The following BCAS3 variants were observed in gnomAD, a reference collection of about 807,000 sequenced individuals.
BCAS3 encodes BCAS3 microtubule associated cell migration factor, also known as BCAS4/BCAS3 fusion.
A neutral mutation model predicts 116.1 loss-of-function variants in BCAS3; 53 were observed. That is an observed-to-expected ratio of 0.46 (90% CI 0.37 to 0.57). The LOEUF (loss-of-function observed/expected upper bound fraction) is 0.57, where lower values mean the gene tolerates loss of function less well. Among genes scored for constraint, BCAS3 ranks in the 20% least tolerant of loss-of-function variants. The pLI, the probability that BCAS3 is intolerant of heterozygous loss-of-function variation, is 0.00. For missense variants in BCAS3, 917 were observed against 1,165.4 expected, an observed-to-expected ratio of 0.79 and a Z score of 3.10; for synonymous variants, 391 against 408.2, an observed-to-expected ratio of 0.96 and a Z score of 0.51.
chr17:61,314,791 T>C (rs2054597066), intron 22 of BCAS3, among the ~76,000 whole-genome samples: 1 of 152,222 alleles, frequency 6.6e-6, no homozygotes, highest in Non-Finnish European at 1.5e-5. Context: ...AAATGTTACC[T>C]AATTGCCTAA....
chr17:61,178,289 GA>G (rs2079261784), intron 22 of BCAS3, among the ~76,000 whole-genome samples: 1 of 152,062 alleles, frequency 6.6e-6, no homozygotes, highest in South Asian at 2.1e-4. Context: ...AAAATCAATT[GA>G]AATGTAGTTA....
chr17:61,076,924 C>T (rs1346890391), intron 20 of BCAS3, among the ~76,000 whole-genome samples: 1 of 152,134 alleles, frequency 6.6e-6, no homozygotes, highest in East Asian at 1.9e-4. Flanking sequence ...TGGACTCACA[C>T]AGGGCTACAC....
At chr17:61,382,624 C>T (rs2059660921) in intron 23 of BCAS3, among the ~76,000 whole-genome samples, 1 of 151,054 alleles carries the variant, frequency 6.6e-6, no homozygotes, top group South Asian at 2.1e-4. Context: ...CCACTGCACT[C>T]CAGCCTGGGT....
rs1409775988 is a variant in BCAS3, at chr17:61,224,487, G to A, written c.2425+139923G>A. Among the ~76,000 whole-genome samples, 1 of 152,212 alleles carries A rather than the reference G, an allele frequency of 6.6e-6. No homozygotes were observed. The highest frequency in any genetic ancestry group is 1.5e-5 in the Non-Finnish European group (1 of 68,030). ...GTGTACATATGGGGACGAGCAGGTG[G>A]TTTGGTTTGCCCATCAGACAGTGTG... On this transcript the variant is annotated intron_variant, in intron 22 of 23. Transcript: ENST00000407086. This position sits in a 1 kb window ranked among gnomAD's most constrained non-coding sequence, Gnocchi z 5.7.
At chr17:61,027,015 A>T in intron 16 of BCAS3, 1 of 945,274 alleles carries the variant, frequency 1.1e-6, no homozygotes, top group Non-Finnish European at 1.6e-6. Context: ...TCACAGATAG[A>T]TGCACCAAGT....
In BCAS3 at chr17:60,844,888, G is replaced by T. The variant is rs1190998128; in HGVS notation, c.477-23688G>T. ...AAAAGTTAATAAAGGTTTAAAGGCT[G>T]CAGTACAAGTTGTCTGAAAGGGGAG... On this transcript the variant is annotated intron_variant, in intron 7 of 23. Coordinates refer to ENST00000407086, the MANE Select transcript of BCAS3 (RefSeq NM_017679.5). Among the ~76,000 whole-genome samples the T allele has an allele frequency of 2.0e-5, 3 of 152,158 alleles. 1 individual carries two copies. Among genetic ancestry groups the T allele is most frequent in the Non-Finnish European group, 4.4e-5 (3 of 68,042 alleles).
At chr17:60,807,652 C>A (rs1395113014) in intron 6 of BCAS3, among the ~76,000 whole-genome samples, 1 of 151,858 alleles carries the variant, frequency 6.6e-6, no homozygotes, top group East Asian at 1.9e-4. Context: ...CATGGTGGTA[C>A]GTGCCTGTAG....
chr17:61,360,719 TAC>T (rs1195361864), intron 22 of BCAS3, among the ~76,000 whole-genome samples: 1 of 152,240 alleles, frequency 6.6e-6, no homozygotes, highest in South Asian at 2.1e-4. Context: ...GATCCTTAAT[TAC>T]ATTTGCAAGG....
At position 61,380,362 on chromosome 17, in the gene BCAS3, G is replaced by A. The variant is rs1162370403; in HGVS notation, c.2594-11615G>A. 1.4e-6 allele frequency: 1 copy of A among 703,470 alleles called. No individual in the cohort carries two copies. Among genetic ancestry groups the A allele is most frequent in the Non-Finnish European group, 2.5e-6 (1 of 403,756 alleles). 43.6% of individuals were successfully genotyped at this position (703,470 alleles called of 1,614,324 possible). The stretch of plus-strand genomic sequence containing the variant: ...GTAAAACCCTAGATGTGCTGTGCCT[G>A]GGAACAGACCATGAACACCCCCGCA... On this transcript the variant is annotated intron_variant, in intron 23 of 23. Coordinates refer to ENST00000407086, the MANE Select transcript of BCAS3 (RefSeq NM_017679.5). The surrounding 1 kb of genome is among the most constrained non-coding windows in gnomAD (Gnocchi z 4.2).
rs541893059 is a variant in BCAS3, at chr17:60,809,267, T to A, written c.476+1191T>A. Among the ~76,000 whole-genome samples the A allele has an allele frequency of 4.5e-3, 637 of 142,028 alleles. 2 individuals carry two copies. Among genetic ancestry groups the A allele is most frequent in the Non-Finnish European group, 7.0e-3 (465 of 66,576 alleles). 93.2% of individuals were successfully genotyped at this position (142,028 alleles called of 152,430 possible). The stretch of plus-strand genomic sequence containing the variant: ...CAGCCTGGGCAACAGTGAGACTCTG[T>A]CTCAAAAAAAAAAAAAAAAAGAGAG... On this transcript the variant is annotated intron_variant, in intron 7 of 23. Transcript: ENST00000407086.
rs1312892479 is a variant in BCAS3, at chr17:61,348,039, G to T, written c.2426-20288G>T. ...TCACCCAGGTGGCACTAGGAAGAAT[G>T]AATTGAAGGGAAGCCACATTAATAG... On this transcript the variant is annotated intron_variant, in intron 22 of 23. Coordinates refer to ENST00000407086, the MANE Select transcript of BCAS3 (RefSeq NM_017679.5). This position sits in a 1 kb window ranked among gnomAD's most constrained non-coding sequence, Gnocchi z 4.5. Among the ~76,000 whole-genome samples, 2 of 152,188 alleles carry T rather than the reference G, an allele frequency of 1.3e-5. No homozygotes were observed. The highest frequency in any genetic ancestry group is 2.9e-5 in the Non-Finnish European group (2 of 68,026).
intron 5 of BCAS3, among the ~76,000 whole-genome samples, chr17:60,744,300 T>C (rs1187748429): frequency 6.6e-6 from 1 of 152,222 alleles, no homozygotes; most frequent in Non-Finnish European, 1.5e-5. Context: ...ATGAGCTCTT[T>C]TCTTAAAACC....
At chr17:60,767,608 A>G (rs1391670439) in intron 6 of BCAS3, among the ~76,000 whole-genome samples, 1 of 151,860 alleles carries the variant, frequency 6.6e-6, no homozygotes, top group Non-Finnish European at 1.5e-5. Context: ...CAGCCTCCCA[A>G]AGTGCTGGGA....
rs1419962925 is a variant in BCAS3, at chr17:61,316,255, G to A, written c.2426-52072G>A. Among the ~76,000 whole-genome samples, 3 of 152,026 alleles carry A rather than the reference G, an allele frequency of 2.0e-5. No homozygotes were observed. Among genetic ancestry groups the A allele is most frequent in the South Asian group, 4.1e-4 (2 of 4,820 alleles). ...CAGGAGGTGGAGGCTGCAGTGAGCC[G>A]GGATCACGCCACTGCACTCCAGCCT... On this transcript the variant is annotated intron_variant, in intron 22 of 23. Coordinates refer to ENST00000407086, the MANE Select transcript of BCAS3 (RefSeq NM_017679.5). The surrounding 1 kb of genome is among the most constrained non-coding windows in gnomAD (Gnocchi z 5.8).
intron 7 of BCAS3, among the ~76,000 whole-genome samples, chr17:60,848,310 T>G (rs929636773): frequency 1.3e-5 from 2 of 152,222 alleles, no homozygotes; most frequent in Admixed American, 6.5e-5. Flanking sequence ...TAGGATTGGA[T>G]TTCTCATTTC....
intron 22 of BCAS3, among the ~76,000 whole-genome samples, chr17:61,289,246 G>A (rs1025627547): frequency 2.0e-5 from 3 of 152,196 alleles, no homozygotes; most frequent in Non-Finnish European, 4.4e-5. Context: ...GGGTGTGGTG[G>A]GGGTGCTGGC....
At chr17:61,100,403 A>T (rs1174715048) in intron 22 of BCAS3, among the ~76,000 whole-genome samples, 1 of 152,240 alleles carries the variant, frequency 6.6e-6, no homozygotes, top group African/African-American at 2.4e-5. Context: ...AGACGGCTTA[A>T]GCCAGAGAGA....
Position 61,368,389 on chromosome 17 carries a change from C to G in BCAS3, c.2488C>G (p.Leu830Val), listed in dbSNP as rs56286963. The change falls in exon 23 of 24, where the codon CTG (leucine) becomes GTG (valine). Residue 830 changes from leucine (L) to valine (V), a missense_variant. Leu to Val is a conservative substitution (Grantham distance 32). Coordinates refer to ENST00000407086, the MANE Select transcript of BCAS3 (RefSeq NM_017679.5). The surrounding 1 kb of genome is among the most constrained non-coding windows in gnomAD (Gnocchi z 6.0). Reference protein sequence around the residue: ...VCGSWPEGFGLRHMSSMEHTE... With the variant: ...VCGSWPEGFGVRHMSSMEHTE... The stretch of plus-strand genomic sequence containing the variant: ...CGGGAGCTGGCCTGAGGGCTTCGGG[C>G]TGCGGCACATGTCCTCCATGGAGCA... The G allele has an allele frequency of 6.2e-7, 1 of 1,612,828 alleles. No homozygotes were observed. The highest frequency in any genetic ancestry group is 8.5e-7 in the Non-Finnish European group (1 of 1,178,902).
intron 22 of BCAS3, among the ~76,000 whole-genome samples, chr17:61,359,751 G>A (rs1434673559): frequency 1.3e-5 from 2 of 151,968 alleles, no homozygotes; most frequent in African/African-American, 4.8e-5. Context: ...TTGGCCTCCC[G>A]AAGTGCTGGG....
Sources: gnomAD v4.1 joint callset for allele counts (sites outside exome capture counted in the v4.1 genomes callset) on GRCh38, gnomAD v4.1.1 for gene constraint, Gnocchi (gnomAD v3.1) non-coding constraint, MANE v1.5 for transcripts, NCBI Gene and HGNC (gene_info 2026-07-23, HGNC 2026-07-21) for gene names.